The following ATP10B variants were observed in gnomAD, a reference collection of about 807,000 sequenced individuals.
The protein encoded by ATP10B is ATPase phospholipid transporting 10B (putative).
Under a neutral mutation model 141.2 loss-of-function variants are expected in ATP10B, and 122 were observed. The ratio of observed to expected loss-of-function variants is 0.86; its 90% CI spans 0.75 to 1.00. The LOEUF (loss-of-function observed/expected upper bound fraction) is 1.00. ATP10B is among the 50% of genes least tolerant of loss of function. ATP10B has a pLI of 0.00. For synonymous variants in ATP10B, 685 were observed against 692.0 expected, an observed-to-expected ratio of 0.99 and a Z score of 0.16; for missense variants, 1,876 against 1,825.3, an observed-to-expected ratio of 1.03 and a Z score of -0.51.
intron 19 of ATP10B, 131 bp from the exon 20 acceptor site, chr5:160,604,172 T>C (rs1581187172): frequency 1.5e-6 from 1 of 683,554 alleles, no homozygotes; most frequent in Non-Finnish European, 2.6e-6. Flanking sequence ...AGAAAGTCAT[T>C]GCTATAGTGC....
At chr5:160,642,777 C>A (rs897687732) in intron 9 of ATP10B, among the ~76,000 whole-genome samples, 1 of 152,212 alleles carries the variant, frequency 6.6e-6, no homozygotes, top group East Asian at 1.9e-4. Flanking sequence ...TATAAAGCTA[C>A]AAGGTAGAAA....
chr5:160,608,723 GTCT>G (rs1266983747), intron 18 of ATP10B, among the ~76,000 whole-genome samples: 1 of 152,178 alleles, frequency 6.6e-6, no homozygotes, highest in Non-Finnish European at 1.5e-5. Context: ...CTGCATAAAT[GTCT>G]TCTTGTGAGA....
intron 2 of ATP10B, among the ~76,000 whole-genome samples, chr5:160,726,463 C>T (rs1766369431): frequency 1.3e-5 from 2 of 152,176 alleles, no homozygotes. Flanking sequence ...CAGCCCTAGA[C>T]AGCTAGCTTT....
the ATP10B span, among the ~76,000 whole-genome samples, chr5:160,888,142 A>G: frequency 1.3e-5 from 2 of 152,278 alleles, no homozygotes; most frequent in Non-Finnish European, 2.9e-5. Flanking sequence ...AAAAGTGTAG[A>G]CTGGCCTCTG....
chr5:160,835,946 C>A (rs182694314), intron 1 of ATP10B, among the ~76,000 whole-genome samples: 1 of 151,990 alleles, frequency 6.6e-6, no homozygotes, highest in Non-Finnish European at 1.5e-5. Flanking sequence ...CTGCTGATAT[C>A]CTTGGGAGTG....
At chr5:160,595,038 C>A (rs929219948) in intron 22 of ATP10B, among the ~76,000 whole-genome samples, 6 of 150,914 alleles carry the variant, frequency 4.0e-5, no homozygotes, top group Non-Finnish European at 8.8e-5. Flanking sequence ...CTGCACCAAG[C>A]AGACCTAATA....
intron 1 of ATP10B, among the ~76,000 whole-genome samples, chr5:160,809,758 AAC>A (rs1773021135): frequency 6.6e-6 from 1 of 152,210 alleles, no homozygotes; most frequent in Admixed American, 6.5e-5. Flanking sequence ...AGCACAGTTT[AAC>A]AGTGATGTTA....
chr5:160,566,974 T>C (rs1374558281), intron 25 of ATP10B, among the ~76,000 whole-genome samples: 1 of 152,200 alleles, frequency 6.6e-6, no homozygotes, highest in Admixed American at 6.5e-5. Context: ...GCAAGAGATT[T>C]CTGAAAATTA....
In ATP10B at chr5:160,569,474, AAC is replaced by A. The variant is rs1158486434; in HGVS notation, c.3938+20_3938+21del. ...GGGAGATTGGTAATTTTAGGAAAGA[AAC>A]ACAGCCCTAGTGCTCAAACCTTGGG... On this transcript the variant is annotated intron_variant, in intron 25 of 25. Transcript: ENST00000327245. The A allele has an allele frequency of 6.2e-7, 1 of 1,612,378 alleles. No homozygotes were observed. Among genetic ancestry groups the A allele is most frequent in the Non-Finnish European group, 8.5e-7 (1 of 1,179,132 alleles).
At chr5:160,899,371 G>A in the ATP10B span, among the ~76,000 whole-genome samples, 264 of 152,076 alleles carry the variant, frequency 1.7e-3, 1 homozygote, top group African/African-American at 4.5e-3. Flanking sequence ...GAAAAATGTC[G>A]TCATGTAGAA....
chr5:160,719,539 G>A (rs1473564464), intron 2 of ATP10B, among the ~76,000 whole-genome samples: 1 of 152,200 alleles, frequency 6.6e-6, no homozygotes, highest in Non-Finnish European at 1.5e-5. Flanking sequence ...CTGAATGGTT[G>A]CTGAGTTGAA....
chr5:160,771,965 C>A (rs184890785), intron 2 of ATP10B, among the ~76,000 whole-genome samples: 2 of 152,344 alleles, frequency 1.3e-5, no homozygotes, highest in African/African-American at 4.8e-5. Flanking sequence ...CTGGATAAGG[C>A]CGACTAATCG....
chr5:160,874,396 T>A, the ATP10B span, among the ~76,000 whole-genome samples: 1 of 152,142 alleles, frequency 6.6e-6, no homozygotes, highest in South Asian at 2.1e-4. Context: ...ATCACCATCG[T>A]CAAAGACCAA....
chr5:160,890,022 C>G, the ATP10B span, among the ~76,000 whole-genome samples: 4 of 152,196 alleles, frequency 2.6e-5, no homozygotes, highest in Admixed American at 1.3e-4. Context: ...ACTGGGAAAG[C>G]CTTCCCTGAC....
the ATP10B span, among the ~76,000 whole-genome samples, chr5:160,916,098 T>C: frequency 2.0e-5 from 3 of 152,216 alleles, no homozygotes; most frequent in East Asian, 5.8e-4. Flanking sequence ...TAACAACTCT[T>C]GAGTTATGGT....
intron 2 of ATP10B, among the ~76,000 whole-genome samples, chr5:160,775,225 CA>C (rs1249288220): frequency 6.6e-6 from 1 of 152,222 alleles, no homozygotes; most frequent in Non-Finnish European, 1.5e-5. Flanking sequence ...ACTCTATTTC[CA>C]GGGGCTGAAG....
At chr5:160,640,727 G>C in intron 9 of ATP10B, 135 bp from the exon 10 acceptor site, 1 of 1,215,810 alleles carries the variant, frequency 8.2e-7, no homozygotes, top group Non-Finnish European at 1.1e-6. Flanking sequence ...CCCCGCCTCA[G>C]AAGGTTGCTG....
intron 22 of ATP10B, among the ~76,000 whole-genome samples, chr5:160,593,392 G>A (rs938387788): frequency 6.6e-6 from 1 of 152,154 alleles, no homozygotes; most frequent in Non-Finnish European, 1.5e-5. Context: ...AAATAGAAAG[G>A]ACATCCACAG....
chr5:160,777,515 T>C (rs112636568), intron 2 of ATP10B, among the ~76,000 whole-genome samples: 80 of 152,334 alleles, frequency 5.3e-4, no homozygotes, highest in African/African-American at 1.9e-3. Context: ...CAAGTACCTT[T>C]CTCTCATGGT....
Sources: gnomAD v4.1 joint callset for allele counts (sites outside exome capture counted in the v4.1 genomes callset) on GRCh38, gnomAD v4.1.1 for gene constraint, MANE v1.5 for transcripts, NCBI Gene and HGNC (gene_info 2026-07-23, HGNC 2026-07-21) for gene names.